ADAMTSL1: variants seen among roughly 807,000 people sequenced by gnomAD.
The protein encoded by ADAMTSL1 is ADAMTS like 1.
In ADAMTSL1, 126 loss-of-function variants were observed where a neutral mutation model predicts 201.8. That is an observed-to-expected ratio of 0.62 (90% CI 0.54 to 0.72). ADAMTSL1 has a LOEUF of 0.72. Ranked by LOEUF, ADAMTSL1 falls within the 30% of genes least tolerant of loss-of-function variation. The pLI, the probability that ADAMTSL1 is intolerant of heterozygous loss-of-function variation, is 0.00. For synonymous variants in ADAMTSL1, 1,121 were observed against 903.4 expected (o/e 1.24, Z -4.32); for missense variants, 2,679 against 2,277.8 (o/e 1.18, Z -3.59).
At chr9:18,761,976 A>G (rs1161750000) in intron 16 of ADAMTSL1, among the ~76,000 whole-genome samples, 1 of 152,248 alleles carries the variant, frequency 6.6e-6, no homozygotes, top group African/African-American at 2.4e-5. Flanking sequence ...CTTCTGGCTA[A>G]TGATAAAACA....
At chr9:18,239,582 T>C (rs960426189) in intron 2 of ADAMTSL1, among the ~76,000 whole-genome samples, 1 of 151,664 alleles carries the variant, frequency 6.6e-6, no homozygotes, top group Non-Finnish European at 1.5e-5. Context: ...CTACTGAAAA[T>C]AGAAAAAAAC....
intron 13 of ADAMTSL1, among the ~76,000 whole-genome samples, chr9:18,700,152 C>G (rs368565665): frequency 1.6e-4 from 25 of 152,218 alleles, no homozygotes; most frequent in African/African-American, 5.8e-4. Flanking sequence ...AGTATTATCT[C>G]AAAACTTTAA....
intron 1 of ADAMTSL1, among the ~76,000 whole-genome samples, chr9:18,150,661 C>T (rs1198080601): frequency 6.6e-6 from 1 of 151,438 alleles, no homozygotes; most frequent in Non-Finnish European, 1.5e-5. Flanking sequence ...AAGAGATGAG[C>T]ATAGAGAAAA....
At chr9:18,419,966 G>A (rs1818867346) in intron 2 of ADAMTSL1, among the ~76,000 whole-genome samples, 1 of 152,078 alleles carries the variant, frequency 6.6e-6, no homozygotes, top group Non-Finnish European at 1.5e-5. Context: ...CTGACCTGGT[G>A]ATCCACCCGC....
chr9:18,235,429 G>C (rs1023092095), intron 2 of ADAMTSL1, among the ~76,000 whole-genome samples: 3 of 152,066 alleles, frequency 2.0e-5, no homozygotes, highest in African/African-American at 7.2e-5. Context: ...TGTTTCCTAG[G>C]CTTCTCCACT....
chr9:18,448,453 C>G (rs2131662405), intron 2 of ADAMTSL1, among the ~76,000 whole-genome samples: 1 of 152,236 alleles, frequency 6.6e-6, no homozygotes. Context: ...AGGTCATGAC[C>G]TACCTTTCCA....
At chr9:18,229,761 T>C (rs1287583951) in intron 2 of ADAMTSL1, among the ~76,000 whole-genome samples, 16 of 151,978 alleles carry the variant, frequency 1.1e-4, no homozygotes, top group Admixed American at 9.2e-4. Context: ...AATGTTGCGA[T>C]CTTGGCTCAC....
chr9:18,528,369 AG>A (rs1343722907), intron 2 of ADAMTSL1, among the ~76,000 whole-genome samples: 1 of 151,878 alleles, frequency 6.6e-6, no homozygotes, highest in East Asian at 1.9e-4. Flanking sequence ...CCCAGGCCCC[AG>A]TGTGTGTTGT....
At chr9:18,703,701 CATATATATATATATATAT>C (rs72258520) in intron 13 of ADAMTSL1, among the ~76,000 whole-genome samples, 36 of 78,812 alleles carry the variant, frequency 4.6e-4, no homozygotes, top group Admixed American at 2.9e-3. Context: ...TGCGCACATA[CATATATATATATATATAT>C]ATATATATAT....
chr9:18,709,114 T>A (rs985171255), intron 14 of ADAMTSL1, among the ~76,000 whole-genome samples: 16 of 152,320 alleles, frequency 1.1e-4, no homozygotes, highest in African/African-American at 3.8e-4. Context: ...TGAACCTACT[T>A]ACCTTCAGTT....
intron 23 of ADAMTSL1, among the ~76,000 whole-genome samples, chr9:18,865,215 G>A (rs551207638): frequency 2.8e-3 from 411 of 148,356 alleles, no homozygotes; most frequent in African/African-American, 8.1e-3. Context: ...AATAGGCCCC[G>A]GTGTGTGATG....
intron 2 of ADAMTSL1, among the ~76,000 whole-genome samples, chr9:18,283,562 C>T (rs910402792): frequency 7.2e-6 from 1 of 138,052 alleles, no homozygotes; most frequent in African/African-American, 2.7e-5. Flanking sequence ...GCCATGATTG[C>T]ACCACTGCAA....
Position 18,816,997 on chromosome 9 carries a change from C to A in ADAMTSL1, c.3806-112C>A, listed in dbSNP as rs1234478550. ...TTTCAAGAGAAAACATAGTTAGTGG[C>A]AAAAGTCTGGGTAGACCAGCCATGC... is the stretch of plus-strand genomic sequence containing the variant. On this transcript the variant is annotated intron_variant, in intron 20 of 28. Transcript: ENST00000380548. The A allele has an allele frequency of 8.0e-6, 11 of 1,377,882 alleles. No individual in the cohort carries two copies. The South Asian group carries it at 1.6e-4, about 21-fold the overall frequency. The allele number at this position is 1,377,882 out of a possible 1,614,324, so 85.4% of individuals were successfully genotyped here.
At chr9:18,008,164 C>T (rs1429944667) in intron 1 of ADAMTSL1, among the ~76,000 whole-genome samples, 1 of 151,874 alleles carries the variant, frequency 6.6e-6, no homozygotes, top group Non-Finnish European at 1.5e-5. Flanking sequence ...CTCAATTTTG[C>T]TGAGGCAATT....
intron 1 of ADAMTSL1, among the ~76,000 whole-genome samples, chr9:18,134,331 T>C (rs1826070078): frequency 6.6e-6 from 1 of 152,180 alleles, no homozygotes; most frequent in Admixed American, 6.5e-5. Context: ...ATGCCATTGG[T>C]ACCACTTGAT....
chr9:18,703,179 TA>T (rs1205946202), intron 13 of ADAMTSL1, among the ~76,000 whole-genome samples: 2 of 152,214 alleles, frequency 1.3e-5, no homozygotes, highest in African/African-American at 2.4e-5. Flanking sequence ...GGTCCCTCTT[TA>T]AAGCTTCTAG....
chr9:18,745,537 G>T (rs1424946935), intron 15 of ADAMTSL1, among the ~76,000 whole-genome samples: 1 of 152,060 alleles, frequency 6.6e-6, no homozygotes, highest in East Asian at 1.9e-4. Flanking sequence ...TACAGAAATT[G>T]ATTCCTTTTA....
At chr9:18,636,119 C>A in intron 6 of ADAMTSL1, 102 bp downstream of exon 6, 1 of 981,544 alleles carries the variant, frequency 1.0e-6, no homozygotes, top group South Asian at 1.8e-5. Flanking sequence ...ACAAATCTTT[C>A]TACTCTATCA....
intron 2 of ADAMTSL1, among the ~76,000 whole-genome samples, chr9:18,234,629 G>T (rs1830768934): frequency 6.6e-6 from 1 of 152,148 alleles, no homozygotes. Context: ...CACCAAGACT[G>T]ACAATTGTTC....
Sources: gnomAD v4.1 joint callset for allele counts (sites outside exome capture counted in the v4.1 genomes callset) on GRCh38, gnomAD v4.1.1 for gene constraint, MANE v1.5 for transcripts, NCBI Gene and HGNC (gene_info 2026-07-23, HGNC 2026-07-21) for gene names.